CNBD1: variants seen among roughly 807,000 people sequenced by gnomAD.
CNBD1 encodes the protein cyclic nucleotide binding domain containing 1, also known as cyclic nucleotide-binding domain-containing protein 1.
A neutral mutation model predicts 54.4 loss-of-function variants in CNBD1; 71 were observed. That is an observed-to-expected ratio of 1.30 (90% CI 1.08 to 1.59). The LOEUF (loss-of-function observed/expected upper bound fraction) is 1.59, where lower values mean the gene tolerates loss of function less well. Ranked by LOEUF, CNBD1 falls within the 40% of genes most tolerant of loss-of-function variation. The pLI, the probability that CNBD1 is intolerant of heterozygous loss-of-function variation, is 0.00. For missense variants in CNBD1, 659 were observed against 518.0 expected (o/e 1.27, Z -2.64); for synonymous variants, 182 against 170.7 (o/e 1.07, Z -0.51).
chr8:87,078,784 C>A (rs1004400713), intron 4 of CNBD1, among the ~76,000 whole-genome samples: 23 of 152,034 alleles, frequency 1.5e-4, no homozygotes, highest in Non-Finnish European at 2.6e-4. Flanking sequence ...AGAGTTGATC[C>A]AGAATATAAA....
intron 10 of CNBD1, among the ~76,000 whole-genome samples, chr8:87,377,365 C>A (rs568745468): frequency 0.016 from 2,319 of 149,232 alleles, 58 homozygotes; most frequent in African/African-American, 0.052. Flanking sequence ...ATGTGTTCTC[C>A]TTGTTCAATT....
At chr8:87,354,491 G>C (rs147253871) in intron 10 of CNBD1, among the ~76,000 whole-genome samples, 24,244 of 151,648 alleles carry the variant, frequency 0.16, 2,660 homozygotes, top group African/African-American at 0.32. Context: ...GTGCCATGTT[G>C]GTGTGCTGCA....
chr8:86,964,207 G>A (rs913657664), intron 4 of CNBD1, among the ~76,000 whole-genome samples: 1 of 152,280 alleles, frequency 6.6e-6, no homozygotes. Flanking sequence ...CCAATCCCTG[G>A]TCTACCATGG....
chr8:87,264,513 C>T (rs1029853305), intron 6 of CNBD1, among the ~76,000 whole-genome samples: 3 of 152,076 alleles, frequency 2.0e-5, no homozygotes, highest in Non-Finnish European at 4.4e-5. Context: ...GGTATATACC[C>T]AGTAATGGGA....
At chr8:87,255,695 C>T (rs1807995259) in intron 6 of CNBD1, among the ~76,000 whole-genome samples, 1 of 151,620 alleles carries the variant, frequency 6.6e-6, no homozygotes, top group Non-Finnish European at 1.5e-5. Context: ...TCAGCTGACA[C>T]ATTAGAGCCA....
At chr8:87,014,935 A>G (rs748461309) in intron 4 of CNBD1, among the ~76,000 whole-genome samples, 5 of 152,154 alleles carry the variant, frequency 3.3e-5, no homozygotes, top group Non-Finnish European at 5.9e-5. Flanking sequence ...AAATAAAATA[A>G]CTGCGTTGTT....
At chr8:86,988,949 T>A (rs1348484223) in intron 4 of CNBD1, among the ~76,000 whole-genome samples, 2 of 152,124 alleles carry the variant, frequency 1.3e-5, no homozygotes, top group East Asian at 3.9e-4. Context: ...TGCTTCAAAA[T>A]CTTGACTGTT....
chr8:87,277,526 T>A (rs1808509079), intron 6 of CNBD1, among the ~76,000 whole-genome samples: 3 of 151,772 alleles, frequency 2.0e-5, no homozygotes, highest in African/African-American at 7.2e-5. Flanking sequence ...TTGAGTAATA[T>A]GTAGCTACAA....
At chr8:87,154,442 A>G (rs955779326) in intron 4 of CNBD1, among the ~76,000 whole-genome samples, 10 of 152,202 alleles carry the variant, frequency 6.6e-5, no homozygotes, top group Non-Finnish European at 1.0e-4. Flanking sequence ...GCTTAGAAGC[A>G]CAAGGAACAA....
intron 4 of CNBD1, among the ~76,000 whole-genome samples, chr8:86,971,107 C>A (rs1425692995): frequency 6.6e-6 from 1 of 152,036 alleles, no homozygotes; most frequent in Non-Finnish European, 1.5e-5. Flanking sequence ...TTTCATACTG[C>A]TATAAAGAAC....
At chr8:86,907,605 T>C (rs1304412433) in intron 3 of CNBD1, among the ~76,000 whole-genome samples, 1 of 151,594 alleles carries the variant, frequency 6.6e-6, no homozygotes, top group Non-Finnish European at 1.5e-5. Flanking sequence ...GAGGCGGAGG[T>C]TGCAGTGAGC....
chr8:87,345,343 C>T (rs1427584604), intron 8 of CNBD1, among the ~76,000 whole-genome samples: 1 of 152,092 alleles, frequency 6.6e-6, no homozygotes, highest in East Asian at 1.9e-4. Flanking sequence ...GAAACATTTC[C>T]CTTTTAATGT....
At chr8:87,169,252 T>C (rs1425899127) in intron 4 of CNBD1, among the ~76,000 whole-genome samples, 4 of 152,136 alleles carry the variant, frequency 2.6e-5, no homozygotes, top group African/African-American at 9.6e-5. Flanking sequence ...TTCAGATCTT[T>C]TGACCATTTT....
intron 3 of CNBD1, among the ~76,000 whole-genome samples, chr8:86,938,094 C>T (rs1468105053): frequency 6.6e-6 from 1 of 151,992 alleles, no homozygotes; most frequent in Non-Finnish European, 1.5e-5. Context: ...AAATCATCTC[C>T]CTCAAGTTCA....
At chr8:87,178,686 T>C (rs552558831) in intron 4 of CNBD1, among the ~76,000 whole-genome samples, 2 of 152,280 alleles carry the variant, frequency 1.3e-5, no homozygotes, top group Admixed American at 1.3e-4. Flanking sequence ...ACTACATTAA[T>C]CCAGGTAAAC....
rs540806088 is a variant in CNBD1, at chr8:87,028,682, G to C, written c.431+88928G>C. Among the ~76,000 whole-genome samples, 20 of 152,292 alleles carry C rather than the reference G, an allele frequency of 1.3e-4. 1 individual carries two copies. The South Asian group carries it at 4.1e-3, about 32-fold the overall frequency. On this transcript the variant is annotated intron_variant, in intron 4 of 10. Coordinates refer to ENST00000518476, the MANE Select transcript of CNBD1 (RefSeq NM_173538.3). ...TAAGAAAGCAATTATGATAAATGCA[G>C]GGGGCCTGATGTCTCATTGTCTGGA...
At chr8:86,986,854 G>T (rs919348050) in intron 4 of CNBD1, among the ~76,000 whole-genome samples, 1 of 152,122 alleles carries the variant, frequency 6.6e-6, no homozygotes, top group Non-Finnish European at 1.5e-5. Flanking sequence ...TCTCTATTCT[G>T]TTCCATTGGT....
At chr8:87,276,909 C>T (rs748833253) in intron 6 of CNBD1, among the ~76,000 whole-genome samples, 5 of 151,446 alleles carry the variant, frequency 3.3e-5, no homozygotes, top group Non-Finnish European at 5.9e-5. Context: ...TTTAGTCTAC[C>T]AGGCAGTCAG....
At chr8:86,904,289 C>G (rs1808982803) in intron 2 of CNBD1, among the ~76,000 whole-genome samples, 1 of 151,962 alleles carries the variant, frequency 6.6e-6, no homozygotes, top group African/African-American at 2.4e-5. Context: ...TTGAAATAAG[C>G]TCTCAAGATG....
Sources: gnomAD v4.1 joint callset for allele counts (sites outside exome capture counted in the v4.1 genomes callset) on GRCh38, gnomAD v4.1.1 for gene constraint, MANE v1.5 for transcripts, NCBI Gene and HGNC (gene_info 2026-07-23, HGNC 2026-07-21) for gene names.